The following PLCE1 variants were observed in gnomAD, a reference collection of about 807,000 sequenced individuals.
PLCE1 encodes the protein 1-phosphatidylinositol 4,5-bisphosphate phosphodiesterase epsilon-1.
Under a neutral mutation model 242.8 loss-of-function variants are expected in PLCE1, and 119 were observed. That is an observed-to-expected ratio of 0.49 (90% CI 0.42 to 0.57). The LOEUF is 0.57. Among genes scored for constraint, PLCE1 ranks in the 20% least tolerant of loss-of-function variants. The pLI is 0.00. For synonymous variants in PLCE1, 945 were observed against 1,017.4 expected (o/e 0.93, Z 1.35); for missense variants, 2,441 against 2,788.8 (o/e 0.88, Z 2.81).
intron 2 of PLCE1, among the ~76,000 whole-genome samples, chr10:94,056,611 T>C (rs545322717): frequency 1.2e-3 from 177 of 152,340 alleles, no homozygotes; most frequent in South Asian, 2.5e-3. Flanking sequence ...TAATGCTTTT[T>C]TTCTTAGCCT....
At chr10:94,254,438 A>T (rs1338262363) in intron 10 of PLCE1, 131 bp downstream of exon 10, 23 of 732,176 alleles carry the variant, frequency 3.1e-5, no homozygotes, top group Non-Finnish European at 5.7e-5. Flanking sequence ...CTAACCAGAC[A>T]ATGAAACCTA....
chr10:94,289,844 A>G (rs545091435), intron 22 of PLCE1, among the ~76,000 whole-genome samples: 1 of 152,350 alleles, frequency 6.6e-6, no homozygotes, highest in East Asian at 1.9e-4. Flanking sequence ...AACACTGTAC[A>G]CTAAGGCTAC....
At chr10:94,008,389 A>G (rs1344066631) in intron 1 of PLCE1, among the ~76,000 whole-genome samples, 3 of 151,852 alleles carry the variant, frequency 2.0e-5, no homozygotes, top group Non-Finnish European at 2.9e-5. Context: ...GCTCACTACA[A>G]CCTCCACCTC....
chr10:94,065,760 C>T (rs1378467726), intron 2 of PLCE1, among the ~76,000 whole-genome samples: 1 of 152,080 alleles, frequency 6.6e-6, no homozygotes, highest in Non-Finnish European at 1.5e-5. Context: ...AGGAGTAGGA[C>T]CATTGGCTGT....
chr10:94,299,867 A>G (rs553303735), intron 24 of PLCE1, among the ~76,000 whole-genome samples: 9 of 152,372 alleles, frequency 5.9e-5, no homozygotes, highest in African/African-American at 2.2e-4. Context: ...CATATTTAGC[A>G]TAGTGCCTGG....
intron 2 of PLCE1, among the ~76,000 whole-genome samples, chr10:94,072,116 T>C (rs2044378059): frequency 6.6e-6 from 1 of 152,150 alleles, no homozygotes; most frequent in African/African-American, 2.4e-5. Context: ...ATGAGAGAAG[T>C]TACTGAGGCT....
chr10:94,237,845 A>G (rs546542547), intron 7 of PLCE1, among the ~76,000 whole-genome samples: 1 of 152,298 alleles, frequency 6.6e-6, no homozygotes, highest in Admixed American at 6.5e-5. Context: ...GTGCAGGGTT[A>G]TGTGTGCCAA....
At chr10:94,260,473 C>T (rs1023113125) in intron 13 of PLCE1, among the ~76,000 whole-genome samples, 4 of 152,094 alleles carry the variant, frequency 2.6e-5, no homozygotes, top group Non-Finnish European at 5.9e-5. Flanking sequence ...GCAGTTGCTT[C>T]ATAATTATTT....
intron 20 of PLCE1, among the ~76,000 whole-genome samples, chr10:94,282,384 C>T (rs2052268463): frequency 1.3e-5 from 2 of 152,008 alleles, no homozygotes; most frequent in African/African-American, 4.8e-5. Context: ...TTGTTGTTTA[C>T]CTTGTGTCTA....
chr10:94,098,982 T>C (rs748118547), intron 2 of PLCE1, among the ~76,000 whole-genome samples: 4 of 152,200 alleles, frequency 2.6e-5, no homozygotes, highest in Non-Finnish European at 4.4e-5. Flanking sequence ...CCAGGCCATC[T>C]GGGAAATGCA....
chr10:94,024,447 C>T (rs1302577291), intron 1 of PLCE1, among the ~76,000 whole-genome samples: 1 of 152,040 alleles, frequency 6.6e-6, no homozygotes, highest in African/African-American at 2.4e-5. Flanking sequence ...ATTGTGTTTT[C>T]CTACTTTGTC....
chr10:94,194,842 A>G (rs1287344686), intron 4 of PLCE1, among the ~76,000 whole-genome samples: 1 of 152,238 alleles, frequency 6.6e-6, no homozygotes, highest in Non-Finnish European at 1.5e-5. Flanking sequence ...TAGACAGCTA[A>G]TAGCTTGTAA....
At chr10:94,190,309 A>G (rs1420647240) in intron 4 of PLCE1, among the ~76,000 whole-genome samples, 1 of 152,128 alleles carries the variant, frequency 6.6e-6, no homozygotes, top group Non-Finnish European at 1.5e-5. Flanking sequence ...ACGTTTTTTT[A>G]AAAAGATAAT....
At chr10:94,289,168 G>A (rs988630470) in intron 22 of PLCE1, among the ~76,000 whole-genome samples, 3 of 152,002 alleles carry the variant, frequency 2.0e-5, no homozygotes, top group Admixed American at 6.5e-5. Flanking sequence ...AATTACCCTC[G>A]GTGCCTCCCA....
intron 1 of PLCE1, among the ~76,000 whole-genome samples, chr10:94,019,468 A>G (rs987155165): frequency 1.3e-5 from 2 of 152,178 alleles, no homozygotes; most frequent in African/African-American, 4.8e-5. Flanking sequence ...CACCCTCCCC[A>G]TCACCCACCC....
chr10:94,114,604 G>A (rs574037121), intron 2 of PLCE1, among the ~76,000 whole-genome samples: 338 of 152,188 alleles, frequency 2.2e-3, no homozygotes, highest in South Asian at 8.3e-3. Flanking sequence ...TCCCATGTAG[G>A]TAGCATTTCC....
chr10:94,237,114 C>T (rs1299225608), intron 7 of PLCE1, among the ~76,000 whole-genome samples: 1 of 152,152 alleles, frequency 6.6e-6, no homozygotes, highest in East Asian at 1.9e-4. Context: ...AAAAATTAAA[C>T]AGATGTTTGG....
chr10:94,129,406 A>G (rs2046528562), intron 2 of PLCE1, among the ~76,000 whole-genome samples: 1 of 152,218 alleles, frequency 6.6e-6, no homozygotes, highest in Admixed American at 6.5e-5. Context: ...TTAATATTCT[A>G]TTATGCAATG....
Position 94,298,812 on chromosome 10 carries a change from G to T in PLCE1, c.5458+143G>T. On this transcript the variant is annotated intron_variant, in intron 24 of 32. Coordinates refer to ENST00000371380, the MANE Select transcript of PLCE1 (RefSeq NM_016341.4). This position sits in a 1 kb window ranked among gnomAD's most constrained non-coding sequence, Gnocchi z 5.2. ...AAAAATATGATGATGGAAAACAGAA[G>T]TGAATTTGATACTGAATTGTGCCTC... 1 of 879,256 alleles carries T rather than the reference G, an allele frequency of 1.1e-6. No homozygotes were observed. Among genetic ancestry groups the T allele is most frequent in the Non-Finnish European group, 1.9e-6 (1 of 537,866 alleles). The allele number at this position is 879,256 out of a possible 1,614,324, so 54.5% of individuals were successfully genotyped here.
Sources: gnomAD v4.1 joint callset for allele counts (sites outside exome capture counted in the v4.1 genomes callset) on GRCh38, gnomAD v4.1.1 for gene constraint, Gnocchi (gnomAD v3.1) non-coding constraint, MANE v1.5 for transcripts, NCBI Gene and HGNC (gene_info 2026-07-23, HGNC 2026-07-21) for gene names.